WDR45B: variants seen among roughly 807,000 people sequenced by gnomAD.
The protein encoded by WDR45B is WD repeat domain 45B, also known as WD repeat domain phosphoinositide-interacting protein 3.
A neutral mutation model predicts 44.6 loss-of-function variants in WDR45B; 20 were observed. The observed-to-expected ratio is 0.45, with a 90% CI of 0.32 to 0.65. The LOEUF (loss-of-function observed/expected upper bound fraction) is 0.65. Ranked by LOEUF, WDR45B falls within the 30% of genes least tolerant of loss-of-function variation. The pLI is 0.05. For synonymous variants in WDR45B, 169 were observed against 164.9 expected (o/e 1.02, Z -0.19); for missense variants, 323 against 430.2 (o/e 0.75, Z 2.20).
At chr17:82,648,160 G>A (rs1357407702) in intron 1 of WDR45B, 114 bp downstream of exon 1, 8 of 1,240,642 alleles carry the variant, frequency 6.4e-6, no homozygotes, top group Middle Eastern at 2.7e-4. Flanking sequence ...CGGGGCCGGG[G>A]TCCCGGGTGG....
Position 82,627,309 on chromosome 17 carries a change from A to G in WDR45B, c.245-18T>C, listed in dbSNP as rs2045710390. On this transcript the variant is annotated intron_variant, in intron 3 of 9. Transcript: ENST00000392325. ...GATCATTACTGAAATATCAGAAAGAAAAGATGAATGCAGTCATCAGCAGGC... is the reference window on the plus strand; with the variant it reads ...GATCATTACTGAAATATCAGAAAGAGAAGATGAATGCAGTCATCAGCAGGC... 2 of 1,589,368 alleles carry G rather than the reference A, an allele frequency of 1.3e-6. No individual in the cohort carries two copies. Among genetic ancestry groups the G allele is most frequent in the Middle Eastern group, 3.3e-4 (2 of 6,030 alleles).
At chr17:82,627,538 G>A (rs2045714499) in intron 3 of WDR45B, among the ~76,000 whole-genome samples, 2 of 152,238 alleles carry the variant, frequency 1.3e-5, no homozygotes, top group Admixed American at 1.3e-4. Context: ...GTAGCTGGCT[G>A]CCCACTTGCT....
rs189320199 is a variant in WDR45B at position 82,628,467 on chromosome 17, G to A, written c.245-1176C>T. Among the ~76,000 whole-genome samples, 1,312 of 152,280 alleles carry A rather than the reference G, an allele frequency of 8.6e-3. 8 individuals carry two copies. The highest frequency in any genetic ancestry group is 0.03 in the South Asian group (147 of 4,828). On this transcript the variant is annotated intron_variant, in intron 3 of 9. Transcript: ENST00000392325. ...GAAGAACCACAGGAGGGATGGGTGC[G>A]GTGGCTCACGCCTGTAATCCCAGCA... is the stretch of plus-strand genomic sequence containing the variant.
intron 5 of WDR45B, among the ~76,000 whole-genome samples, chr17:82,622,685 G>A (rs1295179484): frequency 6.6e-6 from 1 of 152,034 alleles, no homozygotes; most frequent in African/African-American, 2.4e-5. Context: ...ACCTGCCTTG[G>A]CCTCCCACAG....
chr17:82,631,869 G>A (rs1376807640), intron 2 of WDR45B, among the ~76,000 whole-genome samples: 3 of 152,034 alleles, frequency 2.0e-5, no homozygotes, highest in South Asian at 2.1e-4. Flanking sequence ...CAGATGATGA[G>A]GTCAAGAGAC....
At position 82,615,063 on chromosome 17, in the gene WDR45B, G is replaced by T. The variant is rs1269229540; in HGVS notation, c.*856C>A. On this transcript the variant is annotated 3_prime_UTR_variant, in exon 10 of 10. Transcript: ENST00000392325. The stretch of plus-strand genomic sequence containing the variant: ...AGACCCTGCTCTGGCAGACGACCCC[G>T]AAGTTAAAGGATGTTTTCCCCATAA... The T allele has an allele frequency of 6.6e-6, 1 of 152,222 alleles. No individual in the cohort carries two copies. The highest frequency in any genetic ancestry group is 1.5e-5 in the Non-Finnish European group (1 of 68,054). 9.4% of individuals were successfully genotyped at this position (152,222 alleles called of 1,614,324 possible). A position where few individuals can be genotyped will look rare whatever the true frequency, so the allele number is the denominator to read the frequency against.
chr17:82,616,728 A>G, intron 8 of WDR45B, 83 bp from the exon 9 acceptor site: 1 of 1,565,402 alleles, frequency 6.4e-7, no homozygotes, highest in Non-Finnish European at 8.8e-7. Context: ...CGCTGCTGAA[A>G]ATACGAAAAT....
At chr17:82,619,002 A>G in intron 7 of WDR45B, 41 bp downstream of exon 7, 1 of 1,596,684 alleles carries the variant, frequency 6.3e-7, no homozygotes, top group Non-Finnish European at 8.6e-7. Context: ...CCGTGCTGTC[A>G]GCCCGAAGTT....
chr17:82,620,983 T>C (rs2045607558), intron 6 of WDR45B, among the ~76,000 whole-genome samples: 2 of 151,962 alleles, frequency 1.3e-5, no homozygotes, highest in South Asian at 4.1e-4. Flanking sequence ...TTCTGCAAAA[T>C]CTATGAGAAT....
rs1310596898 is a variant in WDR45B, at chr17:82,615,690, G to C, written c.*229C>G. On this transcript the variant is annotated 3_prime_UTR_variant, in exon 10 of 10. Transcript: ENST00000392325. ...TCATGGGAACAGCCAGTGGCCGCCA[G>C]TCGAGCTGGTCACAGCCACTGAGTT... 2 of 561,880 alleles carry C rather than the reference G, an allele frequency of 3.6e-6. No individual in the cohort carries two copies. 34.8% of individuals were successfully genotyped at this position (561,880 alleles called of 1,614,324 possible). A position where few individuals can be genotyped will look rare whatever the true frequency, so the allele number is the denominator to read the frequency against.
intron 1 of WDR45B, among the ~76,000 whole-genome samples, chr17:82,647,050 G>A (rs2045987071): frequency 6.6e-6 from 1 of 152,134 alleles, no homozygotes; most frequent in African/African-American, 2.4e-5. Context: ...CCAACATGGT[G>A]AAACCCCGTC....
intron 2 of WDR45B, among the ~76,000 whole-genome samples, chr17:82,634,414 G>A (rs1301834073): frequency 6.6e-6 from 1 of 151,978 alleles, no homozygotes; most frequent in African/African-American, 2.4e-5. Context: ...CTTGAACCCG[G>A]GAGGCGGAGG....
chr17:82,640,105 G>A (rs2045894346), intron 2 of WDR45B, among the ~76,000 whole-genome samples: 1 of 152,168 alleles, frequency 6.6e-6, no homozygotes, highest in South Asian at 2.1e-4. Flanking sequence ...TCCCCAAGAA[G>A]GCTTCCCTGA....
At chr17:82,620,202 G>A (rs2045594785) in intron 6 of WDR45B, among the ~76,000 whole-genome samples, 1 of 152,240 alleles carries the variant, frequency 6.6e-6, no homozygotes, top group Non-Finnish European at 1.5e-5. Flanking sequence ...GGGAGGCTGA[G>A]GCGGGTGGAT....
intron 2 of WDR45B, among the ~76,000 whole-genome samples, chr17:82,635,173 A>AT (rs58632119): frequency 8.6e-5 from 13 of 150,730 alleles, no homozygotes; most frequent in East Asian, 1.9e-4. Context: ...TTTTACCATA[A>AT]TTTTTTTTTT....
chr17:82,624,540 G>A (rs541768265), intron 5 of WDR45B, among the ~76,000 whole-genome samples: 16 of 152,166 alleles, frequency 1.1e-4, no homozygotes, highest in African/African-American at 3.1e-4. Context: ...GATTACAGGC[G>A]TGAGCCACTG....
chr17:82,622,449 G>T (rs1409739130), intron 5 of WDR45B, among the ~76,000 whole-genome samples: 2 of 152,054 alleles, frequency 1.3e-5, no homozygotes, highest in Non-Finnish European at 2.9e-5. Context: ...TTATTTTTTT[G>T]AGACGGAGCC....
intron 7 of WDR45B, 129 bp from the exon 8 acceptor site, chr17:82,617,526 C>T (rs538643401): frequency 1.1e-4 from 98 of 878,316 alleles, no homozygotes; most frequent in Non-Finnish European, 1.8e-4. Flanking sequence ...ATTCTGAATA[C>T]TGCCCTTTCT....
chr17:82,634,150 C>CGAAAAAAAAAAAAA (rs2045804283), intron 2 of WDR45B, among the ~76,000 whole-genome samples: 1 of 31,898 alleles, frequency 3.1e-5, no homozygotes, highest in African/African-American at 1.2e-4. Flanking sequence ...GACTCCATCT[C>CGAAAAAAAAAAAAA]AAAAAAAAAA....
Sources: allele counts gnomAD v4.1 joint callset (sites outside exome capture counted in the v4.1 genomes callset), GRCh38; gene constraint gnomAD v4.1.1; transcripts MANE v1.5; gene names NCBI Gene and HGNC (gene_info 2026-07-23, HGNC 2026-07-21).